MAP2K5: variants seen among roughly 807,000 people sequenced by gnomAD.
MAP2K5 encodes the protein mitogen-activated protein kinase kinase 5, also known as dual specificity mitogen-activated protein kinase kinase 5.
A neutral mutation model predicts 83.1 loss-of-function variants in MAP2K5; 49 were observed. The ratio of observed to expected loss-of-function variants is 0.59; its 90% CI spans 0.47 to 0.75. The LOEUF is 0.75. MAP2K5 is among the 30% of genes least tolerant of loss of function. The pLI is 0.00. For synonymous variants in MAP2K5, 202 were observed against 191.8 expected (o/e 1.05, Z -0.44); for missense variants, 457 against 557.5 (o/e 0.82, Z 1.82).
At position 67,778,056 on chromosome 15, in the gene MAP2K5, A is replaced by C. The variant is rs1226090609; in HGVS notation, c.1242+5304A>C. Among the ~76,000 whole-genome samples the C allele has an allele frequency of 2.6e-5, 4 of 152,226 alleles. No individual in the cohort carries two copies. The highest frequency in any genetic ancestry group is 5.9e-5 in the Non-Finnish European group (4 of 68,038). ...GTCATCCCAGCAGCTGCAAACTTGAAGGCATCTCATTTCTCAGCTAAGGCT... is the reference window on the plus strand; with the variant it reads ...GTCATCCCAGCAGCTGCAAACTTGACGGCATCTCATTTCTCAGCTAAGGCT... On this transcript the variant is annotated intron_variant, in intron 21 of 21. Coordinates refer to ENST00000178640, the MANE Select transcript of MAP2K5 (RefSeq NM_145160.3). The surrounding 1 kb of genome is among the most constrained non-coding windows in gnomAD (Gnocchi z 5.0).
chr15:67,602,147 C>T (rs1027372579), intron 8 of MAP2K5, among the ~76,000 whole-genome samples: 6 of 152,236 alleles, frequency 3.9e-5, no homozygotes, highest in African/African-American at 1.4e-4. Flanking sequence ...CGTTCCTTCC[C>T]ACGCAACCTC....
At chr15:67,633,401 T>C (rs1266891006) in intron 9 of MAP2K5, among the ~76,000 whole-genome samples, 1 of 152,264 alleles carries the variant, frequency 6.6e-6, no homozygotes, top group African/African-American at 2.4e-5. Flanking sequence ...TATTTGGCCT[T>C]GCAAAGTACA....
Position 67,559,734 on chromosome 15 carries a change from C to CT in MAP2K5, c.185-3548dup, listed in dbSNP as rs548623603. ...TGTGCTGGAAAATCATATTACTATG[C>CT]TCCAGGCAACTAGAGAAGCCTGGAA... On this transcript the variant is annotated intron_variant, in intron 2 of 21. Coordinates refer to ENST00000178640, the MANE Select transcript of MAP2K5 (RefSeq NM_145160.3). This position sits in a 1 kb window ranked among gnomAD's most constrained non-coding sequence, Gnocchi z 4.7. Among the ~76,000 whole-genome samples, 45 of 152,256 alleles carry CT rather than the reference C, an allele frequency of 3.0e-4. 1 individual carries two copies. The highest frequency in any genetic ancestry group is 3.4e-3 in the Middle Eastern group (1 of 294).
chr15:67,745,542 G>A (rs1276141089), intron 17 of MAP2K5, among the ~76,000 whole-genome samples: 1 of 152,184 alleles, frequency 6.6e-6, no homozygotes, highest in Non-Finnish European at 1.5e-5. Context: ...ACAACAAAGA[G>A]TTTAGCAGTG....
At chr15:67,570,585 G>C (rs1188541970) in intron 3 of MAP2K5, among the ~76,000 whole-genome samples, 1 of 152,224 alleles carries the variant, frequency 6.6e-6, no homozygotes, top group Admixed American at 6.5e-5. Flanking sequence ...TGTGTGCTCT[G>C]TGAGAGGTCA....
intron 17 of MAP2K5, among the ~76,000 whole-genome samples, chr15:67,737,237 TG>T (rs1434444110): frequency 6.6e-6 from 1 of 152,144 alleles, no homozygotes; most frequent in Admixed American, 6.5e-5. Context: ...TATGGATCCC[TG>T]GGGGGAGAAT....
Position 67,646,384 on chromosome 15 carries a change from A to G in MAP2K5, c.655-4A>G, listed in dbSNP as rs777194408. 1.3e-6 allele frequency: 2 copies of G among 1,568,016 alleles called. No individual in the cohort carries two copies. Among genetic ancestry groups the G allele is most frequent in the East Asian group, 4.5e-5 (2 of 44,432 alleles). On this transcript the variant is annotated splice_polypyrimidine_tract_variant and splice_region_variant and intron_variant, in intron 10 of 21. Coordinates refer to ENST00000178640, the MANE Select transcript of MAP2K5 (RefSeq NM_145160.3). Reference sequence around the variant, plus strand: ...TAACTACTTTTGTCTTATTTTTGTTACAGTGCGATTCATCATATATCATTG... The same window carrying G: ...TAACTACTTTTGTCTTATTTTTGTTGCAGTGCGATTCATCATATATCATTG...
At chr15:67,553,326 A>T (rs1037265106) in intron 2 of MAP2K5, among the ~76,000 whole-genome samples, 1 of 152,186 alleles carries the variant, frequency 6.6e-6, no homozygotes, top group Admixed American at 6.5e-5. Context: ...GTAAATATAG[A>T]TAAACCTCTA....
At position 67,597,167 on chromosome 15, in the gene MAP2K5, CAAAAAAAGAAA is replaced by C. The variant is rs1304092817; in HGVS notation, c.481-3499_481-3489del. On this transcript the variant is annotated intron_variant, in intron 7 of 21. Coordinates refer to ENST00000178640, the MANE Select transcript of MAP2K5 (RefSeq NM_145160.3). ...CTGGGCCACAGTGTGAGATCTGTCT[CAAAAAAAGAAA>C]AAAAAAAGAAAAAAAAAAACTACTT... Among the ~76,000 whole-genome samples the C allele has an allele frequency of 1.7e-3, 194 of 115,534 alleles. 1 individual carries two copies. Among genetic ancestry groups the C allele is most frequent in the African/African-American group, 5.9e-3 (178 of 30,278 alleles). The allele number at this position is 115,534 out of a possible 152,430, so 75.8% of individuals were successfully genotyped here. A position where few individuals can be genotyped will look rare whatever the true frequency, so the allele number is the denominator to read the frequency against.
At chr15:67,680,385 CA>C (rs1362008450) in intron 13 of MAP2K5, among the ~76,000 whole-genome samples, 1 of 152,104 alleles carries the variant, frequency 6.6e-6, no homozygotes, top group East Asian at 1.9e-4. Context: ...CATAGTTTAT[CA>C]GGCCATCTAG....
rs1322050084 is a variant in MAP2K5 at position 67,801,497 on chromosome 15, C to T, written c.1243-5149C>T. 6.6e-6 allele frequency among the ~76,000 whole-genome samples: 1 copy of T among 152,154 alleles called. No homozygotes were observed. Among genetic ancestry groups the T allele is most frequent in the Non-Finnish European group, 1.5e-5 (1 of 68,030 alleles). ...GAGAGCCACCAAATGTCTAGAGCAG[C>T]CACAGCTTATGGAGCCATCTCCCCA... On this transcript the variant is annotated intron_variant, in intron 21 of 21. Coordinates refer to ENST00000178640, the MANE Select transcript of MAP2K5 (RefSeq NM_145160.3). The surrounding 1 kb of genome is among the most constrained non-coding windows in gnomAD (Gnocchi z 4.8).
intron 21 of MAP2K5, among the ~76,000 whole-genome samples, chr15:67,805,414 G>T (rs1192625192): frequency 6.6e-6 from 1 of 152,344 alleles, no homozygotes; most frequent in East Asian, 1.9e-4. Flanking sequence ...GCTGAGGTTG[G>T]GACAGCCAGG....
chr15:67,654,316 T>A (rs2087018834), intron 11 of MAP2K5, among the ~76,000 whole-genome samples: 1 of 152,212 alleles, frequency 6.6e-6, no homozygotes, highest in South Asian at 2.1e-4. Flanking sequence ...ACAATAGTTA[T>A]CTAAAAGTCT....
At chr15:67,604,350 C>T (rs181019190) in intron 8 of MAP2K5, among the ~76,000 whole-genome samples, 8 of 152,308 alleles carry the variant, frequency 5.3e-5, no homozygotes, top group Non-Finnish European at 7.4e-5. Flanking sequence ...TTCCTTGTTG[C>T]CTCATTTCCT....
chr15:67,593,789 A>T (rs2085466525), intron 7 of MAP2K5, among the ~76,000 whole-genome samples: 1 of 152,204 alleles, frequency 6.6e-6, no homozygotes. Context: ...ACTGCTGTTC[A>T]CTTCCCGTCC....
intron 11 of MAP2K5, among the ~76,000 whole-genome samples, chr15:67,648,722 C>G (rs1048586374): frequency 6.6e-6 from 1 of 151,972 alleles, no homozygotes; most frequent in Non-Finnish European, 1.5e-5. Flanking sequence ...GTAGCTGGGA[C>G]TACAGGCGCG....
chr15:67,767,713 T>G (rs770166201), intron 19 of MAP2K5, among the ~76,000 whole-genome samples: 1 of 152,242 alleles, frequency 6.6e-6, no homozygotes, highest in Admixed American at 6.5e-5. Context: ...ATGGGACTTC[T>G]GTGGCCATTT....
rs1228734404 is a variant in MAP2K5, at chr15:67,747,877, C to T, written c.1075-354C>T. Among the ~76,000 whole-genome samples the T allele has an allele frequency of 6.6e-6, 1 of 152,134 alleles. No homozygotes were observed. The highest frequency in any genetic ancestry group is 2.4e-5 in the African/African-American group (1 of 41,416). On this transcript the variant is annotated intron_variant, in intron 17 of 21. Transcript: ENST00000178640. This position sits in a 1 kb window ranked among gnomAD's most constrained non-coding sequence, Gnocchi z 4.1. ...TTTTTAATTTAAAAAGAGTGAGCTT[C>T]GTAACATTAGCAATGATTGCAACAT...
In MAP2K5 at chr15:67,690,025, C is replaced by A. The variant is rs8031524; in HGVS notation, c.848-2454C>A. On this transcript the variant is annotated intron_variant, in intron 13 of 21. Coordinates refer to ENST00000178640, the MANE Select transcript of MAP2K5 (RefSeq NM_145160.3). This position sits in a 1 kb window ranked among gnomAD's most constrained non-coding sequence, Gnocchi z 4.3. ...CATTATGGGATTTTTGTGTGTGTGC[C>A]ATTTTTTTTAAATCTCTTCAGCTAT... 0.016 allele frequency among the ~76,000 whole-genome samples: 2,510 copies of A among 152,164 alleles called. 75 individuals carry two copies. The highest frequency in any genetic ancestry group is 0.057 in the African/African-American group (2,357 of 41,462).
Sources: allele counts gnomAD v4.1 joint callset (sites outside exome capture counted in the v4.1 genomes callset), GRCh38; gene constraint gnomAD v4.1.1; non-coding constraint Gnocchi (gnomAD v3.1); transcripts MANE v1.5; gene names NCBI Gene and HGNC (gene_info 2026-07-23, HGNC 2026-07-21).